Variants in ANGPT4 observed in about 807,000 individuals in gnomAD.
ANGPT4 encodes the protein angiopoietin-4.
In ANGPT4, 50 loss-of-function variants were observed where a neutral mutation model predicts 53.0. The observed-to-expected ratio is 0.94, with a 90% CI of 0.75 to 1.20. The LOEUF (loss-of-function observed/expected upper bound fraction) is 1.20, where lower values mean the gene tolerates loss of function less well. ANGPT4 is among the 50% of genes most tolerant of loss of function. ANGPT4 has a pLI of 0.00. For synonymous variants in ANGPT4, 251 were observed against 259.7 expected (o/e 0.97, Z 0.32); for missense variants, 648 against 637.1 (o/e 1.02, Z -0.18).
chr20:886,914 G>A (rs1981638471), intron 3 of ANGPT4, among the ~76,000 whole-genome samples: 1 of 152,242 alleles, frequency 6.6e-6, no homozygotes, highest in African/African-American at 2.4e-5. Context: ...CTTATAGGAT[G>A]TCAGCTTCAC....
At chr20:892,331 C>A (rs903653592) in intron 1 of ANGPT4, among the ~76,000 whole-genome samples, 1 of 152,172 alleles carries the variant, frequency 6.6e-6, no homozygotes, top group South Asian at 2.1e-4. Context: ...TGCGGTGGCT[C>A]ACACCTATAA....
intron 1 of ANGPT4, among the ~76,000 whole-genome samples, chr20:902,616 A>G (rs1982328859): frequency 6.6e-6 from 1 of 152,268 alleles, no homozygotes; most frequent in South Asian, 2.1e-4. Flanking sequence ...ATATAGGACT[A>G]TATCAGAAAC....
intron 1 of ANGPT4, among the ~76,000 whole-genome samples, chr20:898,409 C>T (rs1184577424): frequency 6.6e-6 from 1 of 152,208 alleles, no homozygotes; most frequent in Non-Finnish European, 1.5e-5. Flanking sequence ...CTGACCTCTC[C>T]CAGATCAGTT....
intron 1 of ANGPT4, among the ~76,000 whole-genome samples, chr20:905,622 C>A (rs1982449565): frequency 6.6e-6 from 1 of 152,112 alleles, no homozygotes; most frequent in Admixed American, 6.5e-5. Flanking sequence ...GAGGGAGGCC[C>A]ATGGCAAGGG....
chr20:908,043 C>T lies in ANGPT4; in HGVS notation c.309+7863G>A, dbSNP rs574899294. Among the ~76,000 whole-genome samples the T allele has an allele frequency of 6.6e-6, 1 of 152,244 alleles. No individual in the cohort carries two copies. Among genetic ancestry groups the T allele is most frequent in the Admixed American group, 6.5e-5 (1 of 15,298 alleles). On this transcript the variant is annotated intron_variant, in intron 1 of 8. Coordinates refer to ENST00000381922, the MANE Select transcript of ANGPT4 (RefSeq NM_015985.4). This position sits in a 1 kb window ranked among gnomAD's most constrained non-coding sequence, Gnocchi z 4.9. Reference sequence around the variant, plus strand: ...TTAATGGCTGAGCTCTTTCTATGTGCCTGTCTTGCCTTCTTGGTGGCTGAG... The same window carrying T: ...TTAATGGCTGAGCTCTTTCTATGTGTCTGTCTTGCCTTCTTGGTGGCTGAG...
intron 1 of ANGPT4, among the ~76,000 whole-genome samples, chr20:892,651 A>G (rs1344978263): frequency 1.3e-5 from 2 of 151,006 alleles, no homozygotes; most frequent in Non-Finnish European, 2.9e-5. Context: ...ATCCTCCTGT[A>G]TACCTCCAGT....
intron 4 of ANGPT4, among the ~76,000 whole-genome samples, chr20:883,861 T>G (rs985587834): frequency 6.6e-6 from 1 of 152,208 alleles, no homozygotes; most frequent in Non-Finnish European, 1.5e-5. Context: ...AGTAATAGGT[T>G]CAGGTTAATC....
At position 908,395 on chromosome 20, in the gene ANGPT4, C is replaced by G. The variant is rs1404933878; in HGVS notation, c.309+7511G>C. Among the ~76,000 whole-genome samples the G allele has an allele frequency of 1.3e-5, 2 of 152,198 alleles. No homozygotes were observed. The highest frequency in any genetic ancestry group is 2.9e-5 in the Non-Finnish European group (2 of 68,036). ...CTTGCTGTCCCGTGTGCCTGGAATG[C>G]TTTTGCTTCCTTTCCCTGTCTCGCC... On this transcript the variant is annotated intron_variant, in intron 1 of 8. Coordinates refer to ENST00000381922, the MANE Select transcript of ANGPT4 (RefSeq NM_015985.4). This position sits in a 1 kb window ranked among gnomAD's most constrained non-coding sequence, Gnocchi z 4.9.
chr20:891,836 G>A (rs1981859280), intron 1 of ANGPT4, among the ~76,000 whole-genome samples: 1 of 152,190 alleles, frequency 6.6e-6, no homozygotes, highest in African/African-American at 2.4e-5. Context: ...AGTAGTACTG[G>A]TTAGAGCTGT....
intron 1 of ANGPT4, among the ~76,000 whole-genome samples, chr20:906,153 C>T (rs1982471995): frequency 1.3e-5 from 2 of 152,216 alleles, no homozygotes; most frequent in Admixed American, 6.5e-5. Context: ...GTTAGTGTGA[C>T]TTCCTTGGCT....
In ANGPT4 at chr20:911,575, G is replaced by C. The variant is rs575179571; in HGVS notation, c.309+4331C>G. On this transcript the variant is annotated intron_variant, in intron 1 of 8. Transcript: ENST00000381922. The surrounding 1 kb of genome is among the most constrained non-coding windows in gnomAD (Gnocchi z 4.9). ...CAACCAGGAGAGAGAATCAGAGACAGAGACACCCACAGAGTTAGCAACAGT... is the reference window on the plus strand; with the variant it reads ...CAACCAGGAGAGAGAATCAGAGACACAGACACCCACAGAGTTAGCAACAGT... Among the ~76,000 whole-genome samples the C allele has an allele frequency of 3.2e-4, 48 of 152,104 alleles. No homozygotes were observed. The highest frequency in any genetic ancestry group is 1.1e-3 in the African/African-American group (45 of 41,378).
intron 1 of ANGPT4, among the ~76,000 whole-genome samples, chr20:903,795 G>C (rs556260091): frequency 6.6e-6 from 1 of 152,302 alleles, no homozygotes; most frequent in South Asian, 2.1e-4. Flanking sequence ...AGCCCGGCCT[G>C]ACGGTAAAAG....
intron 8 of ANGPT4, 84 bp downstream of exon 8, chr20:874,200 C>T (rs770694545): frequency 1.0e-4 from 164 of 1,571,096 alleles, no homozygotes; most frequent in East Asian, 2.3e-4. Flanking sequence ...AGCACCTGGG[C>T]GCACAAGAAC....
At position 914,327 on chromosome 20, in the gene ANGPT4, C is replaced by A. The variant is rs1052451231; in HGVS notation, c.309+1579G>T. 6.6e-6 allele frequency among the ~76,000 whole-genome samples: 1 copy of A among 151,920 alleles called. No individual in the cohort carries two copies. The highest frequency in any genetic ancestry group is 2.4e-5 in the African/African-American group (1 of 41,362). ...GGAAGAGGAAGGTGGTTATTTCGTA[C>A]GGGGAGGACAAGGAGGGCCTCTGGG... On this transcript the variant is annotated intron_variant, in intron 1 of 8. Coordinates refer to ENST00000381922, the MANE Select transcript of ANGPT4 (RefSeq NM_015985.4). The surrounding 1 kb of genome is among the most constrained non-coding windows in gnomAD (Gnocchi z 5.0).
intron 1 of ANGPT4, among the ~76,000 whole-genome samples, chr20:902,898 G>A (rs368393339): frequency 3.2e-4 from 49 of 152,216 alleles, no homozygotes; most frequent in African/African-American, 1.1e-3. Context: ...ATATTTGTAG[G>A]CTCTGCTGTT....
At chr20:893,177 T>G (rs1981916019) in intron 1 of ANGPT4, among the ~76,000 whole-genome samples, 2 of 152,228 alleles carry the variant, frequency 1.3e-5, no homozygotes, top group Non-Finnish European at 2.9e-5. Flanking sequence ...AATCTGCAAT[T>G]AAAATTTGGC....
intron 8 of ANGPT4, among the ~76,000 whole-genome samples, chr20:873,865 C>T (rs73076062): frequency 0.089 from 13,517 of 152,182 alleles, 638 homozygotes; most frequent in Middle Eastern, 0.2. Flanking sequence ...CACCCCACTT[C>T]CTGTTCTCTG....
At position 878,149 on chromosome 20, in the gene ANGPT4, C is replaced by A; in HGVS notation, c.1220+12G>T. ...ACCCCAGCCCCCACAACGGCCTGGG[C>A]CCCGAACCCACCTGTATAGCTGGTT... On this transcript the variant is annotated intron_variant, in intron 7 of 8. Coordinates refer to ENST00000381922, the MANE Select transcript of ANGPT4 (RefSeq NM_015985.4). The A allele has an allele frequency of 6.3e-7, 1 of 1,580,938 alleles. No homozygotes were observed. The highest frequency in any genetic ancestry group is 2.3e-5 in the East Asian group (1 of 43,998).
rs758082232 is a variant in ANGPT4 at position 879,829 on chromosome 20, C to T, written c.971G>A (p.Ser324Asn). ...GATGAGGGTCCACCTGCCTCCACTG[C>T]TCTGCAGGTCACAGAACACCTGGAG... ...KPRKVFCDLQ[S>N]SGGRWTLIQR... is the part of the protein sequence containing the mutation. Residue 324 changes from serine (S) to asparagine (N), a missense_variant, in exon 6 of 9, where the codon AGC becomes AAC. Transcript: ENST00000381922. The T allele has an allele frequency of 5.6e-6, 9 of 1,612,868 alleles. No homozygotes were observed. The African/African-American group carries it at 1.1e-4, about 19-fold the overall frequency.
Sources: gnomAD v4.1 joint callset for allele counts (sites outside exome capture counted in the v4.1 genomes callset) on GRCh38, gnomAD v4.1.1 for gene constraint, Gnocchi (gnomAD v3.1) non-coding constraint, MANE v1.5 for transcripts, NCBI Gene and HGNC (gene_info 2026-07-23, HGNC 2026-07-21) for gene names.